Variants in TANC2 observed in about 807,000 individuals in gnomAD.
TANC2 encodes protein TANC2.
TANC2 carries 26 observed loss-of-function variants against 210.5 expected under a neutral mutation model. The ratio of observed to expected loss-of-function variants is 0.12; its 90% CI spans 0.09 to 0.17. The LOEUF (loss-of-function observed/expected upper bound fraction) is 0.17. Among genes scored for constraint, TANC2 ranks in the 10% least tolerant of loss-of-function variants. TANC2 has a pLI of 1.00. For missense variants in TANC2, 2,129 were observed against 2,608.9 expected, an observed-to-expected ratio of 0.82 and a Z score of 4.01; for synonymous variants, 931 against 967.1, an observed-to-expected ratio of 0.96 and a Z score of 0.69.
At chr17:63,393,151 T>C (rs1599018997) in intron 17 of TANC2, among the ~76,000 whole-genome samples, 1 of 152,364 alleles carries the variant, frequency 6.6e-6, no homozygotes, top group East Asian at 1.9e-4. Flanking sequence ...CTTGACAGTT[T>C]TGAAGAATAC....
At chr17:63,227,060 C>T (rs1274300997) in intron 7 of TANC2, among the ~76,000 whole-genome samples, 1 of 152,106 alleles carries the variant, frequency 6.6e-6, no homozygotes, top group Non-Finnish European at 1.5e-5. Context: ...CTGCAATGAA[C>T]ATATGTGTGT....
At chr17:63,284,895 G>A (rs1469262299) in intron 9 of TANC2, among the ~76,000 whole-genome samples, 1 of 151,850 alleles carries the variant, frequency 6.6e-6, no homozygotes, top group East Asian at 1.9e-4. Context: ...TTTGCTCTTT[G>A]TGTTTGGAGC....
chr17:63,190,799 T>G (rs1362775979), intron 5 of TANC2, among the ~76,000 whole-genome samples: 1 of 152,196 alleles, frequency 6.6e-6, no homozygotes, highest in African/African-American at 2.4e-5. Flanking sequence ...ACACATTGCC[T>G]CCAAAGACCA....
intron 5 of TANC2, chr17:63,152,994 T>TA (rs1269715166): frequency 6.6e-6 from 1 of 152,132 alleles, no homozygotes; most frequent in Non-Finnish European, 1.5e-5. Context: ...AAAGTGCTGC[T>TA]AAAAAAGTCT....
chr17:63,244,732 G>C (rs1486480118), intron 8 of TANC2, among the ~76,000 whole-genome samples: 1 of 152,098 alleles, frequency 6.6e-6, no homozygotes, highest in African/African-American at 2.4e-5. Flanking sequence ...GATATGATTT[G>C]GCTGTGTCCC....
intron 3 of TANC2, among the ~76,000 whole-genome samples, chr17:63,083,327 G>A (rs1032980764): frequency 6.6e-6 from 1 of 152,156 alleles, no homozygotes; most frequent in Non-Finnish European, 1.5e-5. Flanking sequence ...ACACCCTTGG[G>A]ACCACAACTC....
At chr17:63,123,851 G>A (rs1363528236) in intron 4 of TANC2, among the ~76,000 whole-genome samples, 1 of 151,340 alleles carries the variant, frequency 6.6e-6, no homozygotes, top group Non-Finnish European at 1.5e-5. Flanking sequence ...ACAGGTACCT[G>A]CCACCACGCC....
intron 9 of TANC2, among the ~76,000 whole-genome samples, chr17:63,268,305 C>G (rs958162900): frequency 2.0e-5 from 3 of 152,126 alleles, no homozygotes; most frequent in Non-Finnish European, 4.4e-5. Context: ...GCTTCGAAAT[C>G]CAAAACTTTC....
rs941067413 is a variant in TANC2, at chr17:62,966,938, G to A, written c.-24+189G>A. 5 of 152,376 alleles carry A rather than the reference G, an allele frequency of 3.3e-5. No homozygotes were observed. The highest frequency in any genetic ancestry group is 9.6e-5 in the African/African-American group (4 of 41,576). The allele number at this position is 152,376 out of a possible 1,614,324, so 9.4% of individuals were successfully genotyped here. A position where few individuals can be genotyped will look rare whatever the true frequency, so the allele number is the denominator to read the frequency against. On this transcript the variant is annotated intron_variant, in intron 1 of 27. Transcript: ENST00000689528. The surrounding 1 kb of genome is among the most constrained non-coding windows in gnomAD (Gnocchi z 5.1). ...TATGACACCAAGGCGGGCTTCAGAG[G>A]CGTGTGGGGTCGCCACTTGGCTGTC...
chr17:63,323,091 A>C (rs940350483), intron 11 of TANC2, among the ~76,000 whole-genome samples: 3 of 152,250 alleles, frequency 2.0e-5, no homozygotes, highest in African/African-American at 7.2e-5. Flanking sequence ...AGACGCATAG[A>C]GCAGAAGCCT....
At chr17:63,338,402 T>C (rs2046109894) in intron 11 of TANC2, among the ~76,000 whole-genome samples, 1 of 152,252 alleles carries the variant, frequency 6.6e-6, no homozygotes, top group Non-Finnish European at 1.5e-5. Context: ...TTTAAAATGG[T>C]ATCTTCTTAC....
At chr17:62,996,291 C>T (rs1010882031) in intron 1 of TANC2, among the ~76,000 whole-genome samples, 2 of 152,186 alleles carry the variant, frequency 1.3e-5, no homozygotes, top group Non-Finnish European at 2.9e-5. Context: ...AACTGTAACC[C>T]AGCTTAATAG....
At chr17:63,262,917 A>ATT (rs1049568300) in intron 8 of TANC2, among the ~76,000 whole-genome samples, 1 of 151,990 alleles carries the variant, frequency 6.6e-6, no homozygotes, top group Non-Finnish European at 1.5e-5. Context: ...TGAGATAAAG[A>ATT]TTTTTTTTAA....
At chr17:63,244,283 G>C (rs555638064) in intron 8 of TANC2, among the ~76,000 whole-genome samples, 11 of 152,288 alleles carry the variant, frequency 7.2e-5, no homozygotes, top group Admixed American at 5.9e-4. Flanking sequence ...GCTGTGACTG[G>C]ACTATTTCCA....
intron 7 of TANC2, among the ~76,000 whole-genome samples, chr17:63,231,514 A>G (rs1186280604): frequency 6.6e-6 from 1 of 152,176 alleles, no homozygotes; most frequent in Non-Finnish European, 1.5e-5. Context: ...TCCTTCGCTT[A>G]TGAAGCTTAG....
intron 4 of TANC2, among the ~76,000 whole-genome samples, chr17:63,111,390 A>G (rs1313955018): frequency 1.3e-5 from 2 of 152,232 alleles, no homozygotes; most frequent in Non-Finnish European, 2.9e-5. Flanking sequence ...ATGAAAGCTT[A>G]TAATAAAATC....
At chr17:63,262,183 T>C (rs188276195) in intron 8 of TANC2, among the ~76,000 whole-genome samples, 159 of 152,246 alleles carry the variant, frequency 1.0e-3, no homozygotes, top group African/African-American at 3.7e-3. Context: ...GTTATGAAAC[T>C]GAGATTGATT....
chr17:63,329,020 C>T (rs539164180), intron 11 of TANC2, among the ~76,000 whole-genome samples: 111 of 152,206 alleles, frequency 7.3e-4, no homozygotes, highest in African/African-American at 2.5e-3. Flanking sequence ...ACTGGCATTT[C>T]GTCTTGTACT....
chr17:63,037,127 T>A (rs748912677), intron 2 of TANC2, among the ~76,000 whole-genome samples: 9 of 152,176 alleles, frequency 5.9e-5, no homozygotes, highest in Non-Finnish European at 1.2e-4. Flanking sequence ...AATATCTTAT[T>A]GTACTTTATT....
Sources: allele counts gnomAD v4.1 joint callset (sites outside exome capture counted in the v4.1 genomes callset), GRCh38; gene constraint gnomAD v4.1.1; non-coding constraint Gnocchi (gnomAD v3.1); transcripts MANE v1.5; gene names NCBI Gene and HGNC (gene_info 2026-07-23, HGNC 2026-07-21).